ARHGEF6: variants seen among roughly 807,000 people sequenced by gnomAD.
ARHGEF6 encodes the protein rho guanine nucleotide exchange factor 6.
In ARHGEF6, 9 loss-of-function variants were observed where a neutral mutation model predicts 70.3. That is an observed-to-expected ratio of 0.13 (90% confidence interval 0.08 to 0.22). The LOEUF is 0.22. Among genes scored for constraint, ARHGEF6 ranks in the 10% least tolerant of loss-of-function variants. The pLI, the probability that ARHGEF6 is intolerant of heterozygous loss-of-function variation, is 1.00. For synonymous variants in ARHGEF6, 201 were observed against 207.8 expected (o/e 0.97, Z 0.28); for missense variants, 470 against 563.0 (o/e 0.83, Z 1.67).
chrX:136,696,900 AG>A (rs2076518404), intron 9 of ARHGEF6, among the ~76,000 whole-genome samples: 1 of 110,635 alleles, frequency 9.0e-6, no homozygotes, highest in Non-Finnish European at 1.9e-5. Context: ...CAGGAGGGAC[AG>A]GTCATCAGCA....
intron 7 of ARHGEF6, among the ~76,000 whole-genome samples, chrX:136,712,509 G>A (rs1569404787): frequency 1.8e-5 from 2 of 111,952 alleles, no homozygotes; most frequent in Non-Finnish European, 3.8e-5. Flanking sequence ...AAAAAGAGAG[G>A]GGTTTTTTCT....
At chrX:136,684,775 T>C (rs1603336439) in intron 12 of ARHGEF6, among the ~76,000 whole-genome samples, 1 of 111,738 alleles carries the variant, frequency 8.9e-6, no homozygotes. Flanking sequence ...CTTTCCCTTC[T>C]AAAGATGCCT....
intron 2 of ARHGEF6, among the ~76,000 whole-genome samples, chrX:136,774,497 A>ACC (rs2077387165): frequency 9.2e-6 from 1 of 108,638 alleles, no homozygotes. Flanking sequence ...CTAAAAATAC[A>ACC]AAAATTAGCC....
intron 9 of ARHGEF6, among the ~76,000 whole-genome samples, chrX:136,706,123 T>C (rs2076624085): frequency 8.9e-6 from 1 of 111,892 alleles, no homozygotes; most frequent in Non-Finnish European, 1.9e-5. Context: ...TCCTACAGTT[T>C]TCTGGCCCAG....
At chrX:136,732,964 T>C (rs1399951756) in intron 5 of ARHGEF6, among the ~76,000 whole-genome samples, 1 of 111,531 alleles carries the variant, frequency 9.0e-6, no homozygotes, top group Non-Finnish European at 1.9e-5. Context: ...AACAAAATGA[T>C]CAGAAGGTTT....
At chrX:136,731,998 T>C in intron 6 of ARHGEF6, 104 bp downstream of exon 6, 5 of 619,692 alleles carry the variant, frequency 8.1e-6, no homozygotes, top group Non-Finnish European at 1.3e-5. Context: ...CATGCAACTT[T>C]ATTCAGTCTT....
intron 4 of ARHGEF6, 141 bp downstream of exon 4, chrX:136,745,082 G>T: frequency 3.6e-6 from 3 of 834,188 alleles, no homozygotes; most frequent in African/African-American, 2.0e-5. Context: ...AGCCTGAATT[G>T]GTGCTCGGTT....
At chrX:136,725,847 GA>G (rs1280166002) in intron 6 of ARHGEF6, among the ~76,000 whole-genome samples, 9 of 109,721 alleles carry the variant, frequency 8.2e-5, no homozygotes, top group Non-Finnish European at 1.5e-4. Flanking sequence ...GAAACCACAG[GA>G]AAAAAAAAGG....
intron 17 of ARHGEF6, among the ~76,000 whole-genome samples, chrX:136,677,005 G>C (rs1050084866): frequency 8.0e-5 from 9 of 112,439 alleles, no homozygotes; most frequent in Non-Finnish European, 1.5e-4. Context: ...TGGCTTTAGG[G>C]AACCATCTGC....
At chrX:136,669,425 A>G in intron 21 of ARHGEF6, 57 bp downstream of exon 21, 3 of 1,083,272 alleles carry the variant, frequency 2.8e-6, no homozygotes, top group Non-Finnish European at 3.9e-6. Flanking sequence ...GAGCAGCGTG[A>G]GGCAAGAAAA....
At chrX:136,719,113 G>C (rs1478282013) in intron 6 of ARHGEF6, among the ~76,000 whole-genome samples, 1 of 107,848 alleles carries the variant, frequency 9.3e-6, no homozygotes, top group Non-Finnish European at 1.9e-5. Context: ...GAAATGGAGA[G>C]ATCCAACAAG....
rs1360295658 is a variant in ARHGEF6 at position 136,729,794 on chromosome X, C to T, written c.732+2308G>A. ...GCAGTGAGCTGAGATCGTGCCACTG[C>T]ACTCCAGCCAGGGCGACAGAGTGAG... On this transcript the variant is annotated intron_variant, in intron 6 of 21. Transcript: ENST00000250617. Among the ~76,000 whole-genome samples, 18 of 108,270 alleles carry T rather than the reference C, an allele frequency of 1.7e-4. No individual in the cohort carries two copies. In the Admixed American group the frequency reaches 1.8e-3, roughly 11 times the overall value. The allele number at this position is 108,270 out of a possible 115,157, so 94.0% of individuals were successfully genotyped here. A position where few individuals can be genotyped will look rare whatever the true frequency, so the allele number is the denominator to read the frequency against.
At chrX:136,726,754 T>C (rs1190287356) in intron 6 of ARHGEF6, among the ~76,000 whole-genome samples, 2 of 112,666 alleles carry the variant, frequency 1.8e-5, no homozygotes, top group Non-Finnish European at 3.8e-5. Context: ...TATTGGTCCT[T>C]AGTGATTATA....
intron 2 of ARHGEF6, among the ~76,000 whole-genome samples, chrX:136,774,857 G>A (rs1177917624): frequency 9.2e-6 from 1 of 108,619 alleles, no homozygotes; most frequent in Non-Finnish European, 1.9e-5. Flanking sequence ...TAGAGAGAGA[G>A]AAAGAAACAG....
chrX:136,727,415 T>TCTC lies in ARHGEF6; in HGVS notation c.732+4686_732+4687insGAG, dbSNP rs1569411130. On this transcript the variant is annotated intron_variant, in intron 6 of 21. Transcript: ENST00000250617. ...TTTCTTTCTCTCTCTCTCTCTCTCT[T>TCTC]TCTTTCTTTCTTTCCTTCTTTCTTT... 2.7e-3 allele frequency among the ~76,000 whole-genome samples: 209 copies of TCTC among 78,623 alleles called. 2 individuals carry two copies. In the East Asian group the frequency reaches 0.035, roughly 13 times the overall value. The allele number at this position is 78,623 out of a possible 115,157, so 68.3% of individuals were successfully genotyped here. A position where few individuals can be genotyped will look rare whatever the true frequency, so the allele number is the denominator to read the frequency against.
chrX:136,674,885 A>T, intron 19 of ARHGEF6, 122 bp downstream of exon 19: 1 of 619,808 alleles, frequency 1.6e-6, no homozygotes, highest in Non-Finnish European at 2.7e-6. Flanking sequence ...ACTCCTCTGC[A>T]CCAAGTCACC....
Position 136,667,402 on chromosome X carries a change from G to T in ARHGEF6, c.*627C>A, listed in dbSNP as rs1400489630. On this transcript the variant is annotated 3_prime_UTR_variant, in exon 22 of 22. Coordinates refer to ENST00000250617, the MANE Select transcript of ARHGEF6 (RefSeq NM_004840.3). ...TTCTTGGTCTTATAGACAACATAGG[G>T]CAGTAATTTTAAAACCTGTGATTGA... The T allele has an allele frequency of 8.7e-6, 1 of 114,800 alleles. No individual in the cohort carries two copies. The highest frequency in any genetic ancestry group is 8.9e-5 in the Admixed American group (1 of 11,192). 9.5% of individuals were successfully genotyped at this position (114,800 alleles called of 1,213,427 possible). A position where few individuals can be genotyped will look rare whatever the true frequency, so the allele number is the denominator to read the frequency against.
intron 2 of ARHGEF6, among the ~76,000 whole-genome samples, chrX:136,748,153 C>G (rs1291717470): frequency 8.9e-6 from 1 of 111,896 alleles, no homozygotes; most frequent in South Asian, 3.7e-4. Flanking sequence ...GTTGCCCAAA[C>G]TTTCTGCCCA....
intron 20 of ARHGEF6, among the ~76,000 whole-genome samples, chrX:136,671,535 T>C (rs1407860132): frequency 8.9e-6 from 1 of 112,566 alleles, no homozygotes; most frequent in Non-Finnish European, 1.9e-5. Flanking sequence ...GAACTTCCTG[T>C]ACCTCAGTTT....
Sources: allele counts gnomAD v4.1 joint callset (sites outside exome capture counted in the v4.1 genomes callset), GRCh38; gene constraint gnomAD v4.1.1; transcripts MANE v1.5; gene names NCBI Gene and HGNC (gene_info 2026-07-23, HGNC 2026-07-21).